The following ZFAT variants were observed in gnomAD, a reference collection of about 807,000 sequenced individuals.
ZFAT encodes zinc finger and AT-hook domain containing.
Under a neutral mutation model 117.7 loss-of-function variants are expected in ZFAT, and 64 were observed. That is an observed-to-expected ratio of 0.54 (90% confidence interval 0.44 to 0.67). The LOEUF is 0.67. Ranked by LOEUF, ZFAT falls within the 30% of genes least tolerant of loss-of-function variation. The pLI is 0.00. For synonymous variants in ZFAT, 679 were observed against 615.0 expected (o/e 1.10, Z -1.54); for missense variants, 1,433 against 1,584.5 (o/e 0.90, Z 1.62).
chr8:134,787,970 C>T, the ZFAT span, among the ~76,000 whole-genome samples: 1 of 152,048 alleles, frequency 6.6e-6, no homozygotes, highest in Non-Finnish European at 1.5e-5. Flanking sequence ...TGAGTCTTTT[C>T]AAATTTCTAT....
chr8:134,637,504 G>C lies in ZFAT; in HGVS notation c.405C>G (p.Ile135Met). ...CACCCAAATTCAGCACGATAATGCA[G>C]ATGTGCTTCCGCAGCTGGCGCGTGT... ...FSNTRQLRKHICIIVLNLGEE... is the reference protein window; with the variant it reads ...FSNTRQLRKHMCIIVLNLGEE... The change falls in exon 3 of 16, where the codon ATC becomes ATG. Residue 135 changes from isoleucine to methionine, a missense_variant. Coordinates refer to ENST00000377838, the MANE Select transcript of ZFAT (RefSeq NM_020863.4). The C allele has an allele frequency of 1.2e-6, 2 of 1,614,004 alleles. No homozygotes were observed. Among genetic ancestry groups the C allele is most frequent in the Non-Finnish European group, 1.7e-6 (2 of 1,179,844 alleles).
chr8:134,819,260 G>C, the ZFAT span, among the ~76,000 whole-genome samples: 29 of 151,294 alleles, frequency 1.9e-4, no homozygotes, highest in Non-Finnish European at 8.8e-5. Context: ...GGAAGAGGAA[G>C]GGGGTGAAGG....
the ZFAT span, among the ~76,000 whole-genome samples, chr8:134,758,194 G>A: frequency 1.3e-5 from 2 of 152,132 alleles, no homozygotes; most frequent in Non-Finnish European, 2.9e-5. Context: ...AGGGGGATTG[G>A]CTCTTATTAG....
intron 7 of ZFAT, among the ~76,000 whole-genome samples, chr8:134,595,193 T>G (rs1385538350): frequency 6.6e-6 from 1 of 152,212 alleles, no homozygotes; most frequent in Non-Finnish European, 1.5e-5. Flanking sequence ...GATAAACATT[T>G]AAACGCTGAA....
Position 134,565,319 on chromosome 8 carries a change from C to T in ZFAT, c.2976+14G>A, listed in dbSNP as rs1824359773. On this transcript the variant is annotated intron_variant, in intron 11 of 15. Transcript: ENST00000377838. Reference sequence around the variant, plus strand: ...TTGTCTGAACATCTGCCTTCTTCTCCAGAGCCCTCTTACCTTGAAGGAGAC... The same window carrying T: ...TTGTCTGAACATCTGCCTTCTTCTCTAGAGCCCTCTTACCTTGAAGGAGAC... 1.2e-6 allele frequency: 2 copies of T among 1,612,550 alleles called. No individual in the cohort carries two copies. The highest frequency in any genetic ancestry group is 1.7e-6 in the Non-Finnish European group (2 of 1,179,608).
intron 15 of ZFAT, among the ~76,000 whole-genome samples, chr8:134,493,828 C>T (rs938185729): frequency 6.6e-6 from 1 of 152,164 alleles, no homozygotes; most frequent in Non-Finnish European, 1.5e-5. Flanking sequence ...ATGCCATGGC[C>T]ATATGGCACC....
At chr8:134,810,941 GA>G in the ZFAT span, among the ~76,000 whole-genome samples, 17 of 151,948 alleles carry the variant, frequency 1.1e-4, no homozygotes, top group Middle Eastern at 3.4e-3. Context: ...ACATGGGGGG[GA>G]AATCAGTAAC....
chr8:134,720,946 T>C, the ZFAT span, among the ~76,000 whole-genome samples: 1 of 152,166 alleles, frequency 6.6e-6, no homozygotes, highest in Non-Finnish European at 1.5e-5. Context: ...AGGGCATGAA[T>C]AAGAACCCTC....
chr8:134,731,739 A>T, the ZFAT span, among the ~76,000 whole-genome samples: 20 of 152,354 alleles, frequency 1.3e-4, no homozygotes, highest in African/African-American at 4.8e-4. Flanking sequence ...CAGGGCAGTT[A>T]TTGGCCTGTG....
chr8:134,680,606 G>A (rs967996249), intron 1 of ZFAT, among the ~76,000 whole-genome samples: 2 of 152,004 alleles, frequency 1.3e-5, no homozygotes, highest in Non-Finnish European at 2.9e-5. Flanking sequence ...TGACACAAAC[G>A]TACACCAATA....
At chr8:134,708,211 G>C (rs991747848) in intron 1 of ZFAT, among the ~76,000 whole-genome samples, 1 of 152,064 alleles carries the variant, frequency 6.6e-6, no homozygotes, top group African/African-American at 2.4e-5. Context: ...ATGATCAAAG[G>C]CTACAAAGCC....
intron 1 of ZFAT, among the ~76,000 whole-genome samples, chr8:134,660,949 A>T (rs1831894131): frequency 1.3e-5 from 2 of 152,274 alleles, no homozygotes; most frequent in South Asian, 4.1e-4. Flanking sequence ...TTGCATTAAC[A>T]CATGTGTCTG....
intron 1 of ZFAT, among the ~76,000 whole-genome samples, chr8:134,667,319 T>C (rs1832277982): frequency 6.6e-6 from 1 of 151,924 alleles, no homozygotes; most frequent in African/African-American, 2.4e-5. Context: ...AGTGAAACTC[T>C]GTCTCTACTA....
the ZFAT span, among the ~76,000 whole-genome samples, chr8:134,814,761 C>T: frequency 4.5e-4 from 68 of 152,306 alleles, no homozygotes; most frequent in African/African-American, 1.6e-3. Context: ...TCTGTTTCCA[C>T]ACTAAGGGAG....
At chr8:134,664,601 A>G (rs1373954338) in intron 1 of ZFAT, among the ~76,000 whole-genome samples, 1 of 152,276 alleles carries the variant, frequency 6.6e-6, no homozygotes, top group Non-Finnish European at 1.5e-5. Context: ...GGGTACGTTC[A>G]TAAAGCAGCG....
At chr8:134,564,251 G>C (rs1401928735) in intron 11 of ZFAT, among the ~76,000 whole-genome samples, 1 of 137,474 alleles carries the variant, frequency 7.3e-6, no homozygotes, top group Non-Finnish European at 1.6e-5. Context: ...ACCACTGAAA[G>C]AAACTAGCCT....
chr8:134,511,258 G>A (rs967052204), intron 14 of ZFAT, among the ~76,000 whole-genome samples: 1 of 152,042 alleles, frequency 6.6e-6, no homozygotes, highest in African/African-American at 2.4e-5. Context: ...TGTGGGGGGT[G>A]TGTGTGTGCT....
intron 2 of ZFAT, among the ~76,000 whole-genome samples, chr8:134,644,757 CAT>C (rs989781803): frequency 2.0e-5 from 3 of 151,876 alleles, no homozygotes; most frequent in Admixed American, 6.6e-5. Flanking sequence ...ATCACACACA[CAT>C]GTATACTCAC....
At chr8:134,557,050 T>C (rs1004563851) in intron 11 of ZFAT, among the ~76,000 whole-genome samples, 4 of 152,156 alleles carry the variant, frequency 2.6e-5, no homozygotes, top group African/African-American at 9.6e-5. Context: ...GTTCATAACA[T>C]GAACATGTGT....
Sources: allele counts gnomAD v4.1 joint callset (sites outside exome capture counted in the v4.1 genomes callset), GRCh38; gene constraint gnomAD v4.1.1; transcripts MANE v1.5; gene names NCBI Gene and HGNC (gene_info 2026-07-23, HGNC 2026-07-21).